SPG7: variants seen among roughly 807,000 people sequenced by gnomAD.
SPG7 encodes SPG7 matrix AAA peptidase subunit, paraplegin.
In SPG7, 103 loss-of-function variants were observed where a neutral mutation model predicts 81.9. The ratio of observed to expected loss-of-function variants is 1.26; its 90% CI spans 1.07 to 1.48. The LOEUF (loss-of-function observed/expected upper bound fraction) is 1.48. Among genes scored for constraint, SPG7 ranks in the 40% most tolerant of loss-of-function variants. SPG7 has a pLI of 0.00. For missense variants in SPG7, 1,241 were observed against 1,087.3 expected (o/e 1.14, Z -1.99); for synonymous variants, 534 against 444.2 (o/e 1.20, Z -2.54).
chr16:89,515,169 C>T (rs1333048610), intron 3 of SPG7, among the ~76,000 whole-genome samples: 1 of 151,800 alleles, frequency 6.6e-6, no homozygotes, highest in African/African-American at 2.4e-5. Flanking sequence ...ATCTCCTGAC[C>T]TCGTGATCTG....
intron 9 of SPG7, chr16:89,536,880 T>A: frequency 6.2e-7 from 1 of 1,614,166 alleles, no homozygotes; most frequent in South Asian, 1.1e-5. Context: ...TGGAGGGTCA[T>A]TCGCTCTGCT....
chr16:89,531,860 G>A (rs765586427), intron 7 of SPG7, 44 bp from the exon 8 acceptor site: 9 of 1,610,398 alleles, frequency 5.6e-6, no homozygotes, highest in African/African-American at 2.7e-5. Context: ...ACAAAAAAAC[G>A]GAATCCCCAA....
chr16:89,525,737 G>T (rs2058251406), intron 4 of SPG7, among the ~76,000 whole-genome samples: 1 of 152,164 alleles, frequency 6.6e-6, no homozygotes, highest in South Asian at 2.1e-4. Context: ...ACAGTCTCAG[G>T]TTTTGTGGTT....
At chr16:89,523,329 G>A (rs1018911049) in intron 3 of SPG7, 8 of 256,752 alleles carry the variant, frequency 3.1e-5, no homozygotes, top group Admixed American at 5.1e-5. Context: ...TCATTCTGAT[G>A]AGTAAAAAGT....
At chr16:89,529,678 T>C in intron 6 of SPG7, 99 bp downstream of exon 6, 1 of 891,034 alleles carries the variant, frequency 1.1e-6, no homozygotes, top group Non-Finnish European at 1.8e-6. Context: ...GGAAAACCTG[T>C]TGCAGAGAGT....
At chr16:89,522,577 A>T (rs1174269181) in intron 3 of SPG7, 2 of 152,122 alleles carry the variant, frequency 1.3e-5, no homozygotes, top group Non-Finnish European at 2.9e-5. Flanking sequence ...CTGTGTCCGC[A>T]GGCGCAGGGG....
chr16:89,510,430 T>C (rs1209417295), intron 1 of SPG7, 60 bp from the exon 2 acceptor site: 2 of 1,052,802 alleles, frequency 1.9e-6, no homozygotes, highest in South Asian at 1.3e-5. Context: ...TTAGTCTGCA[T>C]TGCTTTGGTA....
At chr16:89,530,904 A>T in intron 7 of SPG7, 96 bp downstream of exon 7, 1 of 1,559,712 alleles carries the variant, frequency 6.4e-7, no homozygotes, top group Non-Finnish European at 8.8e-7. Context: ...TCCATCGATG[A>T]CGTGTCGTGG....
rs1271709005 is a variant in SPG7 at position 89,525,027 on chromosome 16, T to C, written c.618+780T>C. Among the ~76,000 whole-genome samples the C allele has an allele frequency of 2.7e-5, 4 of 149,270 alleles. No individual in the cohort carries two copies. In the East Asian group the frequency reaches 7.9e-4, roughly 29 times the overall value. ...CTGAGATGCAGGGGTGTGTGTGATGTCGGCTCACTGCAGCCTTGATCTCCT... is the reference window on the plus strand; with the variant it reads ...CTGAGATGCAGGGGTGTGTGTGATGCCGGCTCACTGCAGCCTTGATCTCCT... On this transcript the variant is annotated intron_variant, in intron 4 of 16. Coordinates refer to ENST00000645818, the MANE Select transcript of SPG7 (RefSeq NM_003119.4).
Position 89,532,533 on chromosome 16 carries a change from CGATGA to C in SPG7, c.1225_1229del (p.Glu409ArgfsTer49). ...CCCGGGCCCCCTGCATCGTCTACAT[CGATGA>C]GATCGACGCGGTGGGCAAGAAGCGC... On this transcript the variant is annotated frameshift_variant, in exon 9 of 17. Coordinates refer to ENST00000645818, the MANE Select transcript of SPG7 (RefSeq NM_003119.4). LOFTEE classifies it high-confidence loss of function. 7.4e-6 allele frequency: 12 copies of C among 1,613,766 alleles called. No homozygotes were observed. Among genetic ancestry groups the C allele is most frequent in the Non-Finnish European group, 1.0e-5 (12 of 1,180,036 alleles).
intron 7 of SPG7, chr16:89,531,563 G>A (rs112788783): frequency 1.2e-4 from 41 of 342,658 alleles, no homozygotes; most frequent in Admixed American, 3.3e-4. Context: ...TAGTAGAGAC[G>A]GGGTTTTTCC....
intron 12 of SPG7, chr16:89,550,244 C>T (rs1007506996): frequency 1.2e-4 from 51 of 442,732 alleles, no homozygotes; most frequent in Middle Eastern, 6.8e-4. Context: ...ATGATCTTGC[C>T]CTACTGTAAC....
At chr16:89,535,859 G>A (rs984170491) in intron 9 of SPG7, among the ~76,000 whole-genome samples, 13 of 150,478 alleles carry the variant, frequency 8.6e-5, no homozygotes, top group Non-Finnish European at 1.8e-4. Context: ...TGGCCTCTCT[G>A]GTGCTGTGTG....
intron 7 of SPG7, chr16:89,531,683 T>G: frequency 1.7e-6 from 1 of 573,762 alleles, no homozygotes; most frequent in East Asian, 3.0e-5. Flanking sequence ...CTGCAAGAAG[T>G]TTTTAAAAGT....
At chr16:89,536,548 C>CAGGTG (rs1379133756) in intron 9 of SPG7, among the ~76,000 whole-genome samples, 1 of 103,634 alleles carries the variant, frequency 9.6e-6, no homozygotes, top group Non-Finnish European at 2.0e-5. Context: ...TCAGGTGAGG[C>CAGGTG]AGGTGAGGTG....
chr16:89,549,135 T>C (rs762776898), intron 12 of SPG7: 9 of 456,582 alleles, frequency 2.0e-5, no homozygotes, highest in South Asian at 6.2e-5. Context: ...TTTATTTTCG[T>C]GTAACCATTT....
chr16:89,538,068 G>A, intron 9 of SPG7: 1 of 152,274 alleles, frequency 6.6e-6, no homozygotes, highest in East Asian at 1.9e-4. Context: ...CTGGAGCGCA[G>A]AGAACCACAC....
intron 11 of SPG7, chr16:89,547,578 T>C (rs2058579470): frequency 1.1e-5 from 3 of 273,080 alleles, no homozygotes; most frequent in Non-Finnish European, 2.1e-5. Flanking sequence ...CTCTTGGTTC[T>C]TGGTCTCTTT....
Position 89,550,515 on chromosome 16 carries a change from T to A in SPG7, c.1685T>A (p.Ile562Asn). Residue 562 changes from isoleucine to asparagine, a missense_variant, in exon 13 of 17, where the codon ATC becomes AAC. By Grantham distance (149) the Ile-to-Asn change is moderately radical. Transcript: ENST00000645818. ...VLAGTAKKSK[I>N]LSKEEQKVVA... is the part of the protein sequence containing the mutation. ...TCAGGGACTGCCAAAAAGAGCAAGA[T>A]CCTGTCCAAGGAAGAACAGAAAGTG... 2 of 1,613,770 alleles carry A rather than the reference T, an allele frequency of 1.2e-6. No individual in the cohort carries two copies. The highest frequency in any genetic ancestry group is 1.7e-6 in the Non-Finnish European group (2 of 1,179,912).
Sources: allele counts gnomAD v4.1 joint callset (sites outside exome capture counted in the v4.1 genomes callset), GRCh38; gene constraint gnomAD v4.1.1; transcripts MANE v1.5; gene names NCBI Gene and HGNC (gene_info 2026-07-23, HGNC 2026-07-21).